Variants in TYSND1 observed in about 807,000 individuals in gnomAD.
TYSND1 encodes the protein trypsin like peroxisomal matrix peptidase 1.
Under a neutral mutation model 37.2 loss-of-function variants are expected in TYSND1, and 30 were observed. The ratio of observed to expected loss-of-function variants is 0.81; its 90% confidence interval spans 0.60 to 1.09. The LOEUF (loss-of-function observed/expected upper bound fraction) is 1.09, where lower values mean the gene tolerates loss of function less well. Ranked by LOEUF, TYSND1 falls within the 50% of genes least tolerant of loss-of-function variation. The pLI, the probability that TYSND1 is intolerant of heterozygous loss-of-function variation, is 0.00. For missense variants in TYSND1, 806 were observed against 817.4 expected, an observed-to-expected ratio of 0.99 and a Z score of 0.17; for synonymous variants, 364 against 383.8, an observed-to-expected ratio of 0.95 and a Z score of 0.60.
At chr10:70,143,329 C>T (rs1285437937) in intron 2 of TYSND1, among the ~76,000 whole-genome samples, 1 of 152,236 alleles carries the variant, frequency 6.6e-6, no homozygotes, top group Non-Finnish European at 1.5e-5. Flanking sequence ...GCCCTCACAA[C>T]ACCCAGAAAT....
chr10:70,142,771 C>G lies in TYSND1; in HGVS notation c.1380G>C (p.Val460=). Residue 460 remains valine, a synonymous_variant, in exon 3 of 4, where the codon GTG becomes GTC. Coordinates refer to ENST00000287078, the MANE Select transcript of TYSND1 (RefSeq NM_173555.4). The part of the protein sequence containing the change: ...PSVTSGILSA[V]VQVNGTPVML... ...TTACGGGCGTGCCATTCACCTGCAC[C>G]ACAGCCGAAAGGATGCCTGAGGTCA... 1 of 1,614,168 alleles carries G rather than the reference C, an allele frequency of 6.2e-7. No individual in the cohort carries two copies. Among genetic ancestry groups the G allele is most frequent in the Non-Finnish European group, 8.5e-7 (1 of 1,180,022 alleles).
chr10:70,142,616 G>T (rs1360794020), intron 3 of TYSND1, 52 bp downstream of exon 3: 1 of 1,452,188 alleles, frequency 6.9e-7, no homozygotes, highest in Non-Finnish European at 9.2e-7. Flanking sequence ...CATGGGGTGG[G>T]ACTGAGGTTC....
At chr10:70,144,206 A>G (rs2072836927) in intron 1 of TYSND1, 2 of 544,374 alleles carry the variant, frequency 3.7e-6, no homozygotes, top group South Asian at 2.1e-5. Context: ...CCTGACACTT[A>G]GTGAGCACTG....
At chr10:70,144,107 G>C (rs2072835049) in intron 1 of TYSND1, 135 bp from the exon 2 acceptor site, 2 of 1,094,318 alleles carry the variant, frequency 1.8e-6, no homozygotes, top group Admixed American at 2.5e-5. Flanking sequence ...GGCAACTCTG[G>C]GCAAGTCATG....
rs754584640 is a variant in TYSND1 at position 70,145,652 on chromosome 10, CGGT to C, written c.932_934del (p.His311del). The C allele has an allele frequency of 5.0e-6, 7 of 1,394,726 alleles. No homozygotes were observed. In the Admixed American group the frequency reaches 1.8e-4, roughly 36 times the overall value. 86.4% of individuals were successfully genotyped at this position (1,394,726 alleles called of 1,614,324 possible). A position where few individuals can be genotyped will look rare whatever the true frequency, so the allele number is the denominator to read the frequency against. On this transcript the variant is annotated inframe_deletion, in exon 1 of 4. Transcript: ENST00000287078. ...CAGGGCAGCGGTGCTGTGCGGCAGG[CGGT>C]GAAGCGCGTCGCGGGCGGCGCGGAA...
In TYSND1 at chr10:70,142,794, T is replaced by C. The variant is rs756003418; in HGVS notation, c.1357A>G (p.Thr453Ala). The change falls in exon 3 of 4, where the codon ACC becomes GCC. Residue 453 changes from threonine to alanine, a missense_variant. By Grantham distance (58) the Thr-to-Ala change is moderately conservative (BLOSUM62 0). Transcript: ENST00000287078. Reference sequence around the variant, plus strand: ...ACCACAGCCGAAAGGATGCCTGAGGTCACCGAGGGCCCGCAAGACTGGCCA... The same window carrying C: ...ACCACAGCCGAAAGGATGCCTGAGGCCACCGAGGGCCCGCAAGACTGGCCA... ...VFGQSCGPSV[T>A]SGILSAVVQV... 16 of 1,613,856 alleles carry C rather than the reference T, an allele frequency of 9.9e-6. No homozygotes were observed. In the South Asian group the frequency reaches 1.4e-4, roughly 14 times the overall value.
chr10:70,142,885 GAC>G lies in TYSND1; in HGVS notation c.1298-34_1298-33del, dbSNP rs1564562774. 3 of 1,607,942 alleles carry G rather than the reference GAC, an allele frequency of 1.9e-6. No homozygotes were observed. The East Asian group carries it at 6.7e-5, about 36-fold the overall frequency. On this transcript the variant is annotated intron_variant, in intron 2 of 3. Transcript: ENST00000287078. ...GGGAAGGAAGGAGGGTGAAGCTGGGGACACCTGTGTTACAGCAGGACTCACAC... is the reference window on the plus strand; with the variant it reads ...GGGAAGGAAGGAGGGTGAAGCTGGGGACCTGTGTTACAGCAGGACTCACAC...
At position 70,146,188 on chromosome 10, in the gene TYSND1, C is replaced by T. The variant is rs1414175417; in HGVS notation, c.399G>A (p.Glu133=). 6.5e-7 allele frequency: 1 copy of T among 1,537,958 alleles called. No homozygotes were observed. The change falls in exon 1 of 4, where the codon GAG becomes GAA. Residue 133 remains glutamate, a synonymous_variant. Coordinates refer to ENST00000287078, the MANE Select transcript of TYSND1 (RefSeq NM_173555.4). ...CCGGGCAGCTCAGCAGCAGCAGCAG[C>T]TCAGCAGGAAGCCGGGGCTGCAGGG... The part of the protein sequence containing the change: ...GRPLQPRLPA[E]LLLLLSCPAF...
At chr10:70,141,649 C>G (rs919856005) in intron 3 of TYSND1, among the ~76,000 whole-genome samples, 1 of 152,116 alleles carries the variant, frequency 6.6e-6, no homozygotes, top group African/African-American at 2.4e-5. Context: ...GTACTTCTGA[C>G]GTTCACCTTG....
rs1453749152 is a variant in TYSND1 at position 70,146,573 on chromosome 10, C to T, written c.14G>A (p.Trp5Ter). Residue 5 changes from tryptophan (W) to a stop codon, truncating the protein, a stop_gained, in exon 1 of 4, where the codon TGG becomes TAG. Transcript: ENST00000287078. LOFTEE classifies it high-confidence loss of function. MRRQ[W>*]GSAMRAAEQA... is the part of the protein sequence containing the mutation. ...CTCGGCCGCCCTCATGGCAGACCCC[C>T]ACTGCCTTCTCATGGCCTCTAGGCC... 1 of 1,565,446 alleles carries T rather than the reference C, an allele frequency of 6.4e-7. No individual in the cohort carries two copies. Among genetic ancestry groups the T allele is most frequent in the Non-Finnish European group, 8.6e-7 (1 of 1,164,114 alleles).
At chr10:70,142,540 C>A in intron 3 of TYSND1, 128 bp downstream of exon 3, 2 of 880,428 alleles carry the variant, frequency 2.3e-6, no homozygotes, top group South Asian at 3.5e-5. Flanking sequence ...CAAACCTTCG[C>A]TAGCTCACTC....
intron 1 of TYSND1, 34 bp from the exon 2 acceptor site, chr10:70,144,006 TTC>T: frequency 6.2e-7 from 1 of 1,613,374 alleles, no homozygotes; most frequent in Non-Finnish European, 8.5e-7. Context: ...CAGGCTAGCT[TTC>T]TGACTCCTCA....
rs2136698171 is a variant in TYSND1 at position 70,145,928 on chromosome 10, A to G, written c.659T>C (p.Leu220Pro). The G allele has an allele frequency of 1.3e-6, 2 of 1,552,716 alleles. No individual in the cohort carries two copies. Among genetic ancestry groups the G allele is most frequent in the Non-Finnish European group, 1.7e-6 (2 of 1,148,948 alleles). Residue 220 changes from leucine (L) to proline (P), a missense_variant, in exon 1 of 4, where the codon CTG becomes CCG. By Grantham distance (98) the Leu-to-Pro change is moderately conservative (BLOSUM62 -3). Coordinates refer to ENST00000287078, the MANE Select transcript of TYSND1 (RefSeq NM_173555.4). ...GGCGCCGAAAGGGGAGCCGCAGACC[A>G]GCAATGGCGCACCCTTGGGCACGGC... ...LGAVPKGAPL[L>P]VCGSPFGAFC...
chr10:70,141,431 A>C (rs1337215142), intron 3 of TYSND1, among the ~76,000 whole-genome samples: 1 of 152,106 alleles, frequency 6.6e-6, no homozygotes, highest in East Asian at 1.9e-4. Flanking sequence ...GGCTCAGGTC[A>C]GTGATTTTAG....
In TYSND1 at chr10:70,146,520, G is replaced by A. The variant is rs1268772266; in HGVS notation, c.67C>T (p.Arg23Trp). The change falls in exon 1 of 4, where the codon CGG (arginine) becomes TGG (tryptophan). Residue 23 changes from arginine (R) to tryptophan (W), a missense_variant. Arg to Trp is a moderately radical substitution (Grantham distance 101). Transcript: ENST00000287078. Reference sequence around the variant, plus strand: ...GGGCCCGCCTCGGGCTGTCCGGCCCGGGAGGCGCTCACCATGCAGCCCGCC... The same window carrying A: ...GGGCCCGCCTCGGGCTGTCCGGCCCAGGAGGCGCTCACCATGCAGCCCGCC... ...EQAGCMVSASRAGQPEAGPWS... is the reference protein window; with the variant it reads ...EQAGCMVSASWAGQPEAGPWS... The A allele has an allele frequency of 6.3e-7, 1 of 1,587,504 alleles. No individual in the cohort carries two copies. Among genetic ancestry groups the A allele is most frequent in the Non-Finnish European group, 8.5e-7 (1 of 1,173,984 alleles).
chr10:70,144,870 A>ACATGGTTCAGC, intron 1 of TYSND1: 1 of 847,014 alleles, frequency 1.2e-6, no homozygotes, highest in Non-Finnish European at 1.4e-6. Flanking sequence ...GCTGGGCTGA[A>ACATGGTTCAGC]CCATGTACAG....
chr10:70,146,016 G>A lies in TYSND1; in HGVS notation c.571C>T (p.Arg191Trp), dbSNP rs1239767277. ...ALGWFALLGVRLGQEEVEEER... is the reference protein window; with the variant it reads ...ALGWFALLGVWLGQEEVEEER... ...TCCTCCACCTCCTCCTGGCCTAGCC[G>A]CACGCCCAGCAGCGCAAACCAGCCC... Residue 191 changes from arginine to tryptophan, a missense_variant, in exon 1 of 4, where the codon CGG becomes TGG. By Grantham distance (101) the Arg-to-Trp change is moderately radical. Coordinates refer to ENST00000287078, the MANE Select transcript of TYSND1 (RefSeq NM_173555.4). 5 of 1,597,428 alleles carry A rather than the reference G, an allele frequency of 3.1e-6. No homozygotes were observed. Among genetic ancestry groups the A allele is most frequent in the Non-Finnish European group, 3.4e-6 (4 of 1,173,106 alleles).
chr10:70,145,950 C>G lies in TYSND1; in HGVS notation c.637G>C (p.Val213Leu), dbSNP rs1387785548. ...PAMAVSPLGA[V>L]PKGAPLLVCG... Reference sequence around the variant, plus strand: ...ACCAGCAATGGCGCACCCTTGGGCACGGCCCCGAGAGGCGACACCGCCATG... The same window carrying G: ...ACCAGCAATGGCGCACCCTTGGGCAGGGCCCCGAGAGGCGACACCGCCATG... Residue 213 changes from valine (V) to leucine (L), a missense_variant, in exon 1 of 4, where the codon GTG becomes CTG. Val to Leu is a conservative substitution (Grantham distance 32, BLOSUM62 1). Transcript: ENST00000287078. The G allele has an allele frequency of 3.2e-6, 5 of 1,555,752 alleles. No individual in the cohort carries two copies. The highest frequency in any genetic ancestry group is 4.3e-6 in the Non-Finnish European group (5 of 1,150,940).
Position 70,145,460 on chromosome 10 carries a change from C to A in TYSND1, c.1127G>T (p.Arg376Leu). The change falls in exon 1 of 4, where the codon CGG becomes CTG. Residue 376 changes from arginine (R) to leucine (L), a missense_variant. Around this residue, in one of 3 missense-constraint regions of TYSND1, gnomAD observed 708 missense variants for 705.4 expected, o/e 1.00. Transcript: ENST00000287078. Reference protein sequence around the residue: ...LVVTCRHVSPREAARVLVRST... With the variant: ...LVVTCRHVSPLEAARVLVRST... ...GCGCACCAGGACCCTGGCTGCTTCC[C>A]GAGGGGACACGTGCCGACAGGTCAC... 1 of 1,476,978 alleles carries A rather than the reference C, an allele frequency of 6.8e-7. No individual in the cohort carries two copies. Among genetic ancestry groups the A allele is most frequent in the East Asian group, 2.7e-5 (1 of 37,126 alleles). 91.5% of individuals were successfully genotyped at this position (1,476,978 alleles called of 1,614,324 possible).
Sources: allele counts gnomAD v4.1 joint callset (sites outside exome capture counted in the v4.1 genomes callset), GRCh38; gene constraint gnomAD v4.1.1; regional missense constraint gnomAD v4.1.1; transcripts MANE v1.5; gene names NCBI Gene and HGNC (gene_info 2026-07-23, HGNC 2026-07-21).